RAB31: variants seen among roughly 807,000 people sequenced by gnomAD.
The protein encoded by RAB31 is ras-related protein Rab-31.
Under a neutral mutation model 25.6 loss-of-function variants are expected in RAB31, and 21 were observed. The observed-to-expected ratio is 0.82, with a 90% CI of 0.58 to 1.18. The LOEUF is 1.18. Among genes scored for constraint, RAB31 ranks in the 50% most tolerant of loss-of-function variants. The pLI is 0.00. For missense variants in RAB31, 196 were observed against 250.1 expected (o/e 0.78, Z 1.46); for synonymous variants, 87 against 84.0 (o/e 1.04, Z -0.20).
chr18:9,716,196 C>A (rs915934633), intron 1 of RAB31, among the ~76,000 whole-genome samples: 3 of 152,152 alleles, frequency 2.0e-5, no homozygotes, highest in Non-Finnish European at 2.9e-5. Flanking sequence ...GAAGCCAGGC[C>A]AGTTGTCTTG....
chr18:9,723,822 G>A (rs936040956), intron 1 of RAB31: 1 of 152,122 alleles, frequency 6.6e-6, no homozygotes, highest in African/African-American at 2.4e-5. Context: ...CCACCCCAGT[G>A]GAACGGCATT....
At chr18:9,725,726 G>A (rs11661633) in intron 1 of RAB31, among the ~76,000 whole-genome samples, 88,190 of 152,042 alleles carry the variant, frequency 0.58, 26,635 homozygotes, top group Non-Finnish European at 0.67. Context: ...AAGCATTTCC[G>A]TGGAAGGAAA....
chr18:9,810,942 TA>T lies in RAB31; in HGVS notation c.202-3070del, dbSNP rs562773815. ...TTACCCTTTGAAAAGTAGGAATGTT[TA>T]AAAAAAATTATTGCTTTTTCCTTCC... On this transcript the variant is annotated intron_variant, in intron 3 of 6. Transcript: ENST00000578921. 3.5e-4 allele frequency among the ~76,000 whole-genome samples: 53 copies of T among 152,260 alleles called. No individual in the cohort carries two copies. The South Asian group carries it at 7.7e-3, about 22-fold the overall frequency.
rs868266380 is a variant in RAB31 at position 9,815,168 on chromosome 18, C to T, written c.326C>T (p.Pro109Leu). 1.3e-6 allele frequency: 2 copies of T among 1,557,740 alleles called. No homozygotes were observed. Among genetic ancestry groups the T allele is most frequent in the Admixed American group, 1.9e-5 (1 of 51,744 alleles). ...GTCAAGGAGCTGAAAGAACATGGTC[C>T]AGAAAACATTGTAATGGCCATCGCT... Reference protein sequence around the residue: ...KWVKELKEHGPENIVMAIAGN... With the variant: ...KWVKELKEHGLENIVMAIAGN... The change falls in exon 5 of 7, where the codon CCA (proline) becomes CTA (leucine). Residue 109 changes from proline to leucine, a missense_variant. Coordinates refer to ENST00000578921, the MANE Select transcript of RAB31 (RefSeq NM_006868.4).
intron 1 of RAB31, among the ~76,000 whole-genome samples, chr18:9,770,153 T>C (rs961387230): frequency 1.3e-5 from 2 of 152,214 alleles, no homozygotes; most frequent in African/African-American, 4.8e-5. Flanking sequence ...AAATTTTCTT[T>C]TTTTGTTGTG....
At chr18:9,732,741 C>T (rs776298533) in intron 1 of RAB31, among the ~76,000 whole-genome samples, 23 of 152,272 alleles carry the variant, frequency 1.5e-4, no homozygotes, top group Non-Finnish European at 2.8e-4. Flanking sequence ...TGCAGGGTGC[C>T]GTGAACACCC....
chr18:9,730,689 T>A (rs1460964215), intron 1 of RAB31, among the ~76,000 whole-genome samples: 2 of 152,242 alleles, frequency 1.3e-5, no homozygotes. Flanking sequence ...ATTCTCCTAA[T>A]GCAAAGTGTG....
intron 3 of RAB31, among the ~76,000 whole-genome samples, chr18:9,803,164 G>C (rs185323166): frequency 1.3e-5 from 2 of 152,132 alleles, no homozygotes; most frequent in East Asian, 3.9e-4. Context: ...GGAGAGGATA[G>C]AGTACATGCG....
intron 3 of RAB31, among the ~76,000 whole-genome samples, chr18:9,808,437 GTAGGCATATT>G (rs1229745111): frequency 1.3e-5 from 2 of 152,330 alleles, no homozygotes; most frequent in East Asian, 3.9e-4. Flanking sequence ...GGACATCTGA[GTAGGCATATT>G]AACTAGGCCT....
intron 1 of RAB31, among the ~76,000 whole-genome samples, chr18:9,709,393 C>G (rs1284797309): frequency 6.6e-6 from 1 of 152,156 alleles, no homozygotes; most frequent in South Asian, 2.1e-4. Flanking sequence ...GGTGTACCCG[C>G]CCGTGTCATT....
intron 1 of RAB31, among the ~76,000 whole-genome samples, chr18:9,760,168 G>C (rs61037548): frequency 1.8e-3 from 19 of 10,590 alleles, no homozygotes; most frequent in South Asian, 5.6e-3. Flanking sequence ...TTTTCTTTTT[G>C]TTTTTGTTTT....
At chr18:9,827,085 G>T (rs1272415772) in intron 5 of RAB31, among the ~76,000 whole-genome samples, 1 of 151,834 alleles carries the variant, frequency 6.6e-6, no homozygotes, top group Non-Finnish European at 1.5e-5. Context: ...TGAATTCTTG[G>T]CTCTACACAA....
chr18:9,781,025 G>A (rs1196891057), intron 2 of RAB31, among the ~76,000 whole-genome samples: 1 of 152,154 alleles, frequency 6.6e-6, no homozygotes, highest in Non-Finnish European at 1.5e-5. Context: ...GTATACTGCT[G>A]ATTATTTCTT....
At chr18:9,771,933 G>T (rs547043475) in intron 1 of RAB31, among the ~76,000 whole-genome samples, 1 of 152,306 alleles carries the variant, frequency 6.6e-6, no homozygotes, top group African/African-American at 2.4e-5. Context: ...TGACTTTGTT[G>T]TTTGAAAAAT....
At chr18:9,724,404 T>C (rs2145460868) in intron 1 of RAB31, among the ~76,000 whole-genome samples, 1 of 152,358 alleles carries the variant, frequency 6.6e-6, no homozygotes, top group Admixed American at 6.5e-5. Flanking sequence ...GCGCTTTGCT[T>C]CTGACTTGTT....
At chr18:9,830,659 A>C (rs371021258) in intron 5 of RAB31, 9 of 152,218 alleles carry the variant, frequency 5.9e-5, no homozygotes, top group Admixed American at 3.3e-4. Flanking sequence ...GAAGTCCTTA[A>C]TTTTTGTGTA....
intron 5 of RAB31, among the ~76,000 whole-genome samples, chr18:9,821,418 C>T (rs2068624036): frequency 6.6e-6 from 1 of 152,026 alleles, no homozygotes; most frequent in Admixed American, 6.6e-5. Flanking sequence ...TTGTCTTTAT[C>T]ATATTTATTT....
chr18:9,711,158 C>T (rs74634390), intron 1 of RAB31, among the ~76,000 whole-genome samples: 18,746 of 150,804 alleles, frequency 0.12, 1,228 homozygotes, highest in Middle Eastern at 0.23. Context: ...TGACTGTCTT[C>T]GGTTTACTCT....
At chr18:9,851,588 A>G (rs1197056049) in intron 6 of RAB31, among the ~76,000 whole-genome samples, 1 of 152,192 alleles carries the variant, frequency 6.6e-6, no homozygotes, top group Non-Finnish European at 1.5e-5. Context: ...TCCGGGGCAC[A>G]TGCTCTTAGC....
Sources: allele counts gnomAD v4.1 joint callset (sites outside exome capture counted in the v4.1 genomes callset), GRCh38; gene constraint gnomAD v4.1.1; transcripts MANE v1.5; gene names NCBI Gene and HGNC (gene_info 2026-07-23, HGNC 2026-07-21).